The following PDE10A variants were observed in gnomAD, a reference collection of about 807,000 sequenced individuals.
PDE10A encodes the protein cAMP and cAMP-inhibited cGMP 3',5'-cyclic phosphodiesterase 10A.
Under a neutral mutation model 97.7 loss-of-function variants are expected in PDE10A, and 39 were observed. The ratio of observed to expected loss-of-function variants is 0.40; its 90% CI spans 0.31 to 0.52. The LOEUF (loss-of-function observed/expected upper bound fraction) is 0.52, where lower values mean the gene tolerates loss of function less well. Among genes scored for constraint, PDE10A ranks in the 20% least tolerant of loss-of-function variants. PDE10A has a pLI of 0.56. For missense variants in PDE10A, 731 were observed against 1,047.8 expected, an observed-to-expected ratio of 0.70 and a Z score of 4.17; for synonymous variants, 371 against 376.8, an observed-to-expected ratio of 0.98 and a Z score of 0.18.
intron 1 of PDE10A, among the ~76,000 whole-genome samples, chr6:165,792,370 C>T (rs887594911): frequency 1.3e-5 from 2 of 152,288 alleles, no homozygotes; most frequent in East Asian, 1.9e-4. Flanking sequence ...AGTTGATCAG[C>T]GTCAACGCCA....
intron 1 of PDE10A, among the ~76,000 whole-genome samples, chr6:165,748,937 T>G (rs915986169): frequency 6.6e-6 from 1 of 152,196 alleles, no homozygotes; most frequent in Non-Finnish European, 1.5e-5. Context: ...TGTATGCCAC[T>G]GCCGCTGTGC....
intron 1 of PDE10A, among the ~76,000 whole-genome samples, chr6:165,851,632 A>G (rs1382426036): frequency 6.6e-6 from 1 of 152,208 alleles, no homozygotes; most frequent in Non-Finnish European, 1.5e-5. Context: ...GGAAAGCTTC[A>G]TCATGCAGGA....
chr6:165,724,434 G>C (rs1489733195), intron 1 of PDE10A, among the ~76,000 whole-genome samples: 1 of 152,134 alleles, frequency 6.6e-6, no homozygotes, highest in Non-Finnish European at 1.5e-5. Flanking sequence ...CATTATGATA[G>C]GCCTTCATAC....
At chr6:165,654,385 C>G (rs573084000) in intron 1 of PDE10A, among the ~76,000 whole-genome samples, 2 of 152,036 alleles carry the variant, frequency 1.3e-5, no homozygotes, top group Non-Finnish European at 2.9e-5. Context: ...CTCTCCTCCT[C>G]GGCTCACTCT....
chr6:165,825,116 C>G (rs1451254090), intron 1 of PDE10A, among the ~76,000 whole-genome samples: 3 of 147,338 alleles, frequency 2.0e-5, no homozygotes, highest in African/African-American at 7.5e-5. Flanking sequence ...CCACTGCACT[C>G]CAGCCTGGGC....
chr6:165,707,333 G>A (rs1311889064), intron 1 of PDE10A, among the ~76,000 whole-genome samples: 2 of 152,154 alleles, frequency 1.3e-5, no homozygotes, highest in Non-Finnish European at 2.9e-5. Flanking sequence ...CTCTAGTTCG[G>A]GGCCCTGCAC....
chr6:165,579,104 G>C (rs1286729202), intron 1 of PDE10A, among the ~76,000 whole-genome samples: 1 of 152,182 alleles, frequency 6.6e-6, no homozygotes, highest in Non-Finnish European at 1.5e-5. Flanking sequence ...AATTATATAT[G>C]ATGAAAGGCA....
chr6:165,398,263 C>T (rs1786336596), intron 13 of PDE10A, among the ~76,000 whole-genome samples: 2 of 152,084 alleles, frequency 1.3e-5, no homozygotes, highest in African/African-American at 4.8e-5. Context: ...CTTTGGGAGG[C>T]AGAGGCAGGC....
intron 3 of PDE10A, among the ~76,000 whole-genome samples, chr6:165,452,043 G>A (rs572890569): frequency 9.8e-5 from 15 of 152,296 alleles, no homozygotes; most frequent in Non-Finnish European, 1.6e-4. Flanking sequence ...GACTAGTTTC[G>A]CAATCCCCTG....
intron 1 of PDE10A, among the ~76,000 whole-genome samples, chr6:165,728,267 G>C (rs929296864): frequency 2.6e-5 from 4 of 152,156 alleles, no homozygotes; most frequent in African/African-American, 9.7e-5. Context: ...GCTTTTCTGT[G>C]CACCTTCAGA....
intron 1 of PDE10A, among the ~76,000 whole-genome samples, chr6:165,832,381 A>G (rs1417206040): frequency 6.6e-6 from 1 of 152,100 alleles, no homozygotes; most frequent in African/African-American, 2.4e-5. Context: ...CGAAGTTTAT[A>G]AAGTAGATGA....
chr6:165,501,610 C>G (rs1780895652), intron 2 of PDE10A, among the ~76,000 whole-genome samples: 1 of 150,590 alleles, frequency 6.6e-6, no homozygotes, highest in Non-Finnish European at 1.5e-5. Context: ...CTGCAAGAAA[C>G]TACTAGAATG....
intron 5 of PDE10A, 69 bp from the exon 6 acceptor site, chr6:165,435,446 A>G: frequency 7.7e-7 from 1 of 1,290,784 alleles, no homozygotes; most frequent in Non-Finnish European, 1.1e-6. Flanking sequence ...ACACACGTGA[A>G]TCCTAACAGT....
intron 1 of PDE10A, among the ~76,000 whole-genome samples, chr6:165,818,956 G>T (rs1779492967): frequency 6.6e-6 from 1 of 152,144 alleles, no homozygotes; most frequent in Non-Finnish European, 1.5e-5. Context: ...TTTATTTATA[G>T]GTCTAAAATA....
intron 1 of PDE10A, chr6:165,660,104 T>A (rs1235975630): frequency 6.6e-6 from 1 of 152,356 alleles, no homozygotes; most frequent in Non-Finnish European, 1.5e-5. Context: ...AAGAAAGAAT[T>A]CACAAGCCCA....
At chr6:165,386,338 G>C (rs755256863) in intron 17 of PDE10A, among the ~76,000 whole-genome samples, 1 of 152,058 alleles carries the variant, frequency 6.6e-6, no homozygotes, top group Non-Finnish European at 1.5e-5. Flanking sequence ...TTTGCAATCT[G>C]GCCTCCTTCA....
intron 1 of PDE10A, among the ~76,000 whole-genome samples, chr6:165,908,460 T>C (rs1225824446): frequency 6.6e-6 from 1 of 151,938 alleles, no homozygotes; most frequent in Non-Finnish European, 1.5e-5. Context: ...TTGCTGGGAG[T>C]TGCTGATTCT....
intron 1 of PDE10A, among the ~76,000 whole-genome samples, chr6:165,650,580 C>G (rs1789633043): frequency 6.6e-6 from 1 of 152,192 alleles, no homozygotes; most frequent in African/African-American, 2.4e-5. Flanking sequence ...TTCGTTTACA[C>G]TGCTGCAAAT....
chr6:165,527,587 A>G (rs1369974165), intron 2 of PDE10A, among the ~76,000 whole-genome samples: 1 of 152,168 alleles, frequency 6.6e-6, no homozygotes, highest in Non-Finnish European at 1.5e-5. Context: ...TGTTTTGACT[A>G]TGGGTCATCA....
Sources: allele counts gnomAD v4.1 joint callset (sites outside exome capture counted in the v4.1 genomes callset), GRCh38; gene constraint gnomAD v4.1.1; transcripts MANE v1.5; gene names NCBI Gene and HGNC (gene_info 2026-07-23, HGNC 2026-07-21).